KIAA0825: variants seen among roughly 807,000 people sequenced by gnomAD.
KIAA0825 encodes KIAA0825, also known as uncharacterized protein KIAA0825.
Under a neutral mutation model 147.6 loss-of-function variants are expected in KIAA0825, and 119 were observed. The observed-to-expected ratio is 0.81, with a 90% CI of 0.69 to 0.94. KIAA0825 has a LOEUF of 0.94. Ranked by LOEUF, KIAA0825 falls within the 40% of genes least tolerant of loss-of-function variation. The pLI is 0.00. For synonymous variants in KIAA0825, 470 were observed against 518.1 expected, an observed-to-expected ratio of 0.91 and a Z score of 1.26; for missense variants, 1,381 against 1,472.7, an observed-to-expected ratio of 0.94 and a Z score of 1.02.
At chr5:94,412,423 G>A (rs554386017) in intron 15 of KIAA0825, among the ~76,000 whole-genome samples, 13 of 151,952 alleles carry the variant, frequency 8.6e-5, no homozygotes, top group Non-Finnish European at 5.9e-5. Context: ...TCTTTTTGAG[G>A]CAGAGTGTCA....
intron 4 of KIAA0825, among the ~76,000 whole-genome samples, chr5:94,521,241 A>G (rs1768136536): frequency 6.6e-6 from 1 of 151,830 alleles, no homozygotes; most frequent in Admixed American, 6.6e-5. Flanking sequence ...AATTCTAAAT[A>G]CAAATCTATA....
intron 14 of KIAA0825, among the ~76,000 whole-genome samples, chr5:94,437,640 T>C (rs1048249882): frequency 5.9e-5 from 9 of 152,230 alleles, no homozygotes; most frequent in African/African-American, 2.2e-4. Flanking sequence ...CATGGTTAAA[T>C]ATTCATAACT....
At chr5:94,550,698 C>G (rs1045980288) in intron 2 of KIAA0825, among the ~76,000 whole-genome samples, 1 of 152,018 alleles carries the variant, frequency 6.6e-6, no homozygotes, top group Non-Finnish European at 1.5e-5. Flanking sequence ...AAAAATTAGC[C>G]AGGCATGGTG....
chr5:94,292,276 C>T (rs1204845358), intron 20 of KIAA0825, among the ~76,000 whole-genome samples: 4 of 152,078 alleles, frequency 2.6e-5, no homozygotes, highest in Non-Finnish European at 5.9e-5. Context: ...TTTTGAGATA[C>T]GTTCCATCAA....
chr5:94,471,443 A>G, intron 9 of KIAA0825, 23 bp downstream of exon 9: 1 of 1,546,976 alleles, frequency 6.5e-7, no homozygotes, highest in Non-Finnish European at 8.7e-7. Flanking sequence ...CGTGGCCATC[A>G]TCTTAATTTA....
At chr5:94,477,485 T>C (rs1235981269) in intron 6 of KIAA0825, among the ~76,000 whole-genome samples, 4 of 152,058 alleles carry the variant, frequency 2.6e-5, no homozygotes, top group Non-Finnish European at 5.9e-5. Context: ...ATTTTTGATG[T>C]ACATAAACGT....
At chr5:94,343,290 G>T (rs538374971) in intron 20 of KIAA0825, among the ~76,000 whole-genome samples, 4 of 151,846 alleles carry the variant, frequency 2.6e-5, no homozygotes, top group Non-Finnish European at 1.5e-5. Context: ...GTAGGGAAAG[G>T]TTTATTTAAA....
chr5:94,399,117 G>A (rs1460785232), intron 16 of KIAA0825, among the ~76,000 whole-genome samples: 1 of 152,080 alleles, frequency 6.6e-6, no homozygotes, highest in Non-Finnish European at 1.5e-5. Flanking sequence ...CTCAGCACCT[G>A]ATAAAAATAG....
At chr5:94,296,302 C>T (rs954114155) in intron 20 of KIAA0825, among the ~76,000 whole-genome samples, 1 of 152,094 alleles carries the variant, frequency 6.6e-6, no homozygotes, top group Non-Finnish European at 1.5e-5. Flanking sequence ...GCTGTGCTGG[C>T]AGTGAGAATT....
chr5:94,263,628 G>T (rs560058015), intron 20 of KIAA0825, among the ~76,000 whole-genome samples: 2 of 151,560 alleles, frequency 1.3e-5, no homozygotes, highest in African/African-American at 4.9e-5. Context: ...GTTCTCTTTC[G>T]CCAAGACCTT....
intron 20 of KIAA0825, among the ~76,000 whole-genome samples, chr5:94,208,922 G>T (rs1252655905): frequency 2.6e-5 from 4 of 152,180 alleles, no homozygotes; most frequent in Non-Finnish European, 1.5e-5. Flanking sequence ...TCACTCTGGG[G>T]ATCCTATTAA....
At chr5:94,555,284 T>A (rs866846794) in intron 2 of KIAA0825, among the ~76,000 whole-genome samples, 11 of 152,236 alleles carry the variant, frequency 7.2e-5, no homozygotes, top group Admixed American at 2.6e-4. Context: ...TTTAAAACCC[T>A]TAGATATTGA....
At chr5:94,612,749 C>T (rs1325540015) in intron 1 of KIAA0825, among the ~76,000 whole-genome samples, 2 of 152,158 alleles carry the variant, frequency 1.3e-5, no homozygotes, top group African/African-American at 4.8e-5. Context: ...AACTTTCACA[C>T]TGTCACACAA....
In KIAA0825 at chr5:94,520,318, T is replaced by C; in HGVS notation, c.900A>G (p.Arg300=). 6.2e-7 allele frequency: 1 copy of C among 1,613,584 alleles called. No homozygotes were observed. Among genetic ancestry groups the C allele is most frequent in the Non-Finnish European group, 8.5e-7 (1 of 1,179,564 alleles). ...FLENFCELQF[R]ENAVRVVKTS... ...TTTTAACCACACGAACAGCATTTTC[T>C]CTGAACTGCAGCTCACAAAAATTTT... The change falls in exon 5 of 21, where the codon AGA becomes AGG. Residue 300 remains arginine, a synonymous_variant. Coordinates refer to ENST00000682413, the MANE Select transcript of KIAA0825 (RefSeq NM_001145678.3).
intron 18 of KIAA0825, among the ~76,000 whole-genome samples, chr5:94,391,084 T>C (rs1299154340): frequency 1.3e-5 from 2 of 152,238 alleles, no homozygotes; most frequent in African/African-American, 2.4e-5. Flanking sequence ...ATCTGGTTGC[T>C]ACCGAATATG....
intron 20 of KIAA0825, among the ~76,000 whole-genome samples, chr5:94,218,012 T>C (rs1462854921): frequency 6.6e-6 from 1 of 152,192 alleles, no homozygotes; most frequent in Non-Finnish European, 1.5e-5. Flanking sequence ...AATGTTTGTT[T>C]ACAAAATCAT....
intron 20 of KIAA0825, among the ~76,000 whole-genome samples, chr5:94,159,264 T>TG (rs1767325512): frequency 6.6e-6 from 1 of 152,208 alleles, no homozygotes; most frequent in Non-Finnish European, 1.5e-5. Flanking sequence ...GCTTGAATCC[T>TG]GACTCTGCCA....
At chr5:94,407,136 C>T (rs914685977) in intron 15 of KIAA0825, among the ~76,000 whole-genome samples, 1 of 152,108 alleles carries the variant, frequency 6.6e-6, no homozygotes, top group Non-Finnish European at 1.5e-5. Flanking sequence ...ATATCTCTGC[C>T]ATACTCCTGG....
At chr5:94,220,963 C>T (rs1048373125) in intron 20 of KIAA0825, among the ~76,000 whole-genome samples, 6 of 152,190 alleles carry the variant, frequency 3.9e-5, no homozygotes, top group African/African-American at 1.4e-4. Flanking sequence ...GTTTAGACTC[C>T]TCAGTAACCA....
Sources: allele counts gnomAD v4.1 joint callset (sites outside exome capture counted in the v4.1 genomes callset), GRCh38; gene constraint gnomAD v4.1.1; transcripts MANE v1.5; gene names NCBI Gene and HGNC (gene_info 2026-07-23, HGNC 2026-07-21).